AGAP1: variants seen among roughly 807,000 people sequenced by gnomAD.
AGAP1 encodes the protein arf-GAP with GTPase, ANK repeat and PH domain-containing protein 1.
Under a neutral mutation model 105.3 loss-of-function variants are expected in AGAP1, and 29 were observed. The observed-to-expected ratio is 0.28, with a 90% CI of 0.21 to 0.38. AGAP1 has a LOEUF of 0.38. AGAP1 is among the 10% of genes least tolerant of loss of function. AGAP1 has a pLI of 1.00. For missense variants in AGAP1, 998 were observed against 1,165.1 expected, an observed-to-expected ratio of 0.86 and a Z score of 2.09; for synonymous variants, 509 against 485.9, an observed-to-expected ratio of 1.05 and a Z score of -0.63.
At chr2:235,911,723 G>T (rs1309971494) in intron 11 of AGAP1, among the ~76,000 whole-genome samples, 4 of 152,202 alleles carry the variant, frequency 2.6e-5, no homozygotes, top group Non-Finnish European at 4.4e-5. Flanking sequence ...CTCTTTAAGA[G>T]CCCCTGTTGG....
At chr2:235,912,653 T>A (rs1022071013) in intron 11 of AGAP1, among the ~76,000 whole-genome samples, 5 of 152,238 alleles carry the variant, frequency 3.3e-5, no homozygotes, top group Admixed American at 1.3e-4. Context: ...TAACTGTCCA[T>A]ATATGGAATG....
rs571350424 is a variant in AGAP1, at chr2:235,973,156, C to T, written c.1645+4533C>T. Among the ~76,000 whole-genome samples, 4 of 152,296 alleles carry T rather than the reference C, an allele frequency of 2.6e-5. No individual in the cohort carries two copies. Among genetic ancestry groups the T allele is most frequent in the Non-Finnish European group, 4.4e-5 (3 of 68,028 alleles). On this transcript the variant is annotated intron_variant, in intron 13 of 17. Coordinates refer to ENST00000304032, the MANE Select transcript of AGAP1 (RefSeq NM_001037131.3). This position sits in a 1 kb window ranked among gnomAD's most constrained non-coding sequence, Gnocchi z 4.7. ...TCAGGGTGACCGATGGAAATTGGGC[C>T]GTTCCTGCCCTGGAGTTTCTCCCTG...
At chr2:235,816,963 G>A (rs776503200) in intron 9 of AGAP1, among the ~76,000 whole-genome samples, 8 of 152,244 alleles carry the variant, frequency 5.3e-5, no homozygotes, top group Non-Finnish European at 8.8e-5. Flanking sequence ...CAGTTCTGCA[G>A]TATTTATTTA....
intron 1 of AGAP1, among the ~76,000 whole-genome samples, chr2:235,571,958 G>GTA (rs1192654891): frequency 2.8e-5 from 3 of 107,352 alleles, no homozygotes; most frequent in African/African-American, 4.0e-5. Context: ...GTGTGTGTGT[G>GTA]TATACATATA....
intron 10 of AGAP1, among the ~76,000 whole-genome samples, chr2:235,903,945 C>T (rs779534039): frequency 2.0e-5 from 3 of 152,082 alleles, no homozygotes; most frequent in East Asian, 1.9e-4. Flanking sequence ...AATGACTCCG[C>T]GTCCTTCTCC....
chr2:235,653,524 C>CATAAA (rs1180369336), intron 1 of AGAP1, among the ~76,000 whole-genome samples: 3 of 107,106 alleles, frequency 2.8e-5, no homozygotes, highest in Non-Finnish European at 4.1e-5. Context: ...CATAACATAA[C>CATAAA]ATAAAATAAA....
At chr2:235,707,633 C>G (rs1240316430) in intron 1 of AGAP1, among the ~76,000 whole-genome samples, 1 of 141,692 alleles carries the variant, frequency 7.1e-6, no homozygotes, top group Non-Finnish European at 1.6e-5. Context: ...GGACGTGCTC[C>G]CCAGCATGTG....
intron 6 of AGAP1, among the ~76,000 whole-genome samples, chr2:235,771,954 C>T (rs896143367): frequency 2.7e-5 from 4 of 150,714 alleles, no homozygotes; most frequent in Middle Eastern, 3.5e-3. Context: ...TGCAATGTTC[C>T]GGAGCTGACA....
intron 13 of AGAP1, among the ~76,000 whole-genome samples, chr2:236,031,801 C>T (rs566695655): frequency 3.5e-4 from 54 of 152,250 alleles, no homozygotes; most frequent in African/African-American, 1.3e-3. Flanking sequence ...GTTCCCTGTG[C>T]TCAGAGTCCC....
Position 235,733,544 on chromosome 2 carries a change from T to C in AGAP1, c.311-7419T>C, listed in dbSNP as rs907283156. 6.6e-6 allele frequency among the ~76,000 whole-genome samples: 1 copy of C among 152,228 alleles called. No homozygotes were observed. Among genetic ancestry groups the C allele is most frequent in the Non-Finnish European group, 1.5e-5 (1 of 68,042 alleles). Reference sequence around the variant, plus strand: ...CTTTAATGTTTCCCCCTTGTTTTATTAGGAAAGGAGGAAAGGAAATTCAGT... The same window carrying C: ...CTTTAATGTTTCCCCCTTGTTTTATCAGGAAAGGAGGAAAGGAAATTCAGT... On this transcript the variant is annotated intron_variant, in intron 3 of 17. Coordinates refer to ENST00000304032, the MANE Select transcript of AGAP1 (RefSeq NM_001037131.3). This position sits in a 1 kb window ranked among gnomAD's most constrained non-coding sequence, Gnocchi z 5.0.
chr2:235,863,834 C>G (rs764849135), intron 9 of AGAP1, among the ~76,000 whole-genome samples: 1 of 152,062 alleles, frequency 6.6e-6, no homozygotes, highest in African/African-American at 2.4e-5. Flanking sequence ...GAAGAGTTAA[C>G]TCGGAAAGAA....
intron 9 of AGAP1, among the ~76,000 whole-genome samples, chr2:235,816,674 T>C (rs145598565): frequency 0.028 from 4,273 of 152,192 alleles, 205 homozygotes; most frequent in African/African-American, 0.095. Flanking sequence ...GTGGATCACC[T>C]GAGGCCAGGA....
At chr2:235,654,166 C>T (rs959884372) in intron 1 of AGAP1, among the ~76,000 whole-genome samples, 15 of 152,182 alleles carry the variant, frequency 9.9e-5, no homozygotes, top group African/African-American at 2.9e-4. Context: ...TAGGTTCATT[C>T]GTTGCTTATT....
At chr2:235,674,489 A>G (rs76529121) in intron 1 of AGAP1, among the ~76,000 whole-genome samples, 4,901 of 152,288 alleles carry the variant, frequency 0.032, 232 homozygotes, top group African/African-American at 0.1. Flanking sequence ...CCCATCCAGA[A>G]CATTCGGTGT....
At chr2:235,647,085 G>A (rs11899388) in intron 1 of AGAP1, among the ~76,000 whole-genome samples, 3,485 of 147,832 alleles carry the variant, frequency 0.024, 131 homozygotes, top group African/African-American at 0.08. Context: ...GCAGTGAACC[G>A]AGATTGCGCC....
chr2:235,833,174 G>A lies in AGAP1; in HGVS notation c.1050+25843G>A, dbSNP rs534141148. Among the ~76,000 whole-genome samples, 304 of 152,322 alleles carry A rather than the reference G, an allele frequency of 2.0e-3. 1 individual carries two copies. Among genetic ancestry groups the A allele is most frequent in the Non-Finnish European group, 3.1e-3 (211 of 68,026 alleles). Reference sequence around the variant, plus strand: ...AAGCAGGCTGTTGGGTGCTGCAGGCGCTCTCCATTGGAGCAGTGCTGTGGA... The same window carrying A: ...AAGCAGGCTGTTGGGTGCTGCAGGCACTCTCCATTGGAGCAGTGCTGTGGA... On this transcript the variant is annotated intron_variant, in intron 9 of 17. Transcript: ENST00000304032.
intron 16 of AGAP1, among the ~76,000 whole-genome samples, chr2:236,117,190 C>T (rs1364040528): frequency 2.6e-5 from 4 of 152,144 alleles, no homozygotes; most frequent in Admixed American, 6.5e-5. Context: ...TTTTCCATAG[C>T]GGCTGTACTA....
In AGAP1 at chr2:236,051,577, C is replaced by T. The variant is rs559687905; in HGVS notation, c.2114+2296C>T. Among the ~76,000 whole-genome samples the T allele has an allele frequency of 1.7e-4, 26 of 152,062 alleles. No individual in the cohort carries two copies. Among genetic ancestry groups the T allele is most frequent in the African/African-American group, 5.3e-4 (22 of 41,482 alleles). On this transcript the variant is annotated intron_variant, in intron 16 of 17. Transcript: ENST00000304032. This position sits in a 1 kb window ranked among gnomAD's most constrained non-coding sequence, Gnocchi z 5.9. ...CGGGCCTGTGGGGAGGTGTGCCTGTCGGCGAGTACAGCACCGTGGACGGGA... is the reference window on the plus strand; with the variant it reads ...CGGGCCTGTGGGGAGGTGTGCCTGTTGGCGAGTACAGCACCGTGGACGGGA...
intron 1 of AGAP1, among the ~76,000 whole-genome samples, chr2:235,594,757 A>G (rs1186656734): frequency 1.3e-5 from 2 of 151,952 alleles, no homozygotes; most frequent in Non-Finnish European, 2.9e-5. Flanking sequence ...TATTTTTAGT[A>G]GGGATGGGGT....
Sources: gnomAD v4.1 joint callset for allele counts (sites outside exome capture counted in the v4.1 genomes callset) on GRCh38, gnomAD v4.1.1 for gene constraint, Gnocchi (gnomAD v3.1) non-coding constraint, MANE v1.5 for transcripts, NCBI Gene and HGNC (gene_info 2026-07-23, HGNC 2026-07-21) for gene names.